Variants in NDRG4 observed in about 807,000 individuals in gnomAD.
The protein encoded by NDRG4 is protein NDRG4.
In NDRG4, 38 loss-of-function variants were observed where a neutral mutation model predicts 55.8. That is an observed-to-expected ratio of 0.68 (90% CI 0.53 to 0.89). The LOEUF (loss-of-function observed/expected upper bound fraction) is 0.89. Among genes scored for constraint, NDRG4 ranks in the 40% least tolerant of loss-of-function variants. NDRG4 has a pLI of 0.00. For missense variants in NDRG4, 455 were observed against 468.6 expected, an observed-to-expected ratio of 0.97 and a Z score of 0.27; for synonymous variants, 190 against 182.7, an observed-to-expected ratio of 1.04 and a Z score of -0.32.
downstream of NDRG4, among the ~76,000 whole-genome samples, chr16:58,514,218 A>G (rs983674073): frequency 1.3e-5 from 2 of 152,216 alleles, no homozygotes; most frequent in African/African-American, 4.8e-5. Flanking sequence ...TGTATAACCT[A>G]AACTAAAATA....
chr16:58,484,085 G>C (rs2034788221), intron 1 of NDRG4, among the ~76,000 whole-genome samples: 1 of 151,636 alleles, frequency 6.6e-6, no homozygotes, highest in Non-Finnish European at 1.5e-5. Flanking sequence ...TTTTGACCAA[G>C]ACCCTGTCTC....
intron 1 of NDRG4, among the ~76,000 whole-genome samples, chr16:58,482,876 G>A (rs894313022): frequency 5.3e-5 from 8 of 151,518 alleles, no homozygotes; most frequent in African/African-American, 1.5e-4. Context: ...TCCACCTCCC[G>A]GGCTCAAGTA....
At chr16:58,465,017 C>G in intron 1 of NDRG4, 1 of 1,242,016 alleles carries the variant, frequency 8.1e-7, no homozygotes, top group Non-Finnish European at 1.0e-6. Flanking sequence ...CTGCTGGAAA[C>G]TCACATCCAG....
rs148777079 is a variant in NDRG4, at chr16:58,507,809, C to T, written c.622C>T (p.Arg208Cys). The T allele has an allele frequency of 3.0e-5, 48 of 1,613,512 alleles. No homozygotes were observed. The African/African-American group carries it at 4.0e-4, about 13-fold the overall frequency. ...TCTGCCCCTCCCCCTGCCCCACAGCCGCAGAGACCTGGACATTAACCGGCC... is the reference window on the plus strand; with the variant it reads ...TCTGCCCCTCCCCCTGCCCCACAGCTGCAGAGACCTGGACATTAACCGGCC... ...LQLFWNMYNS[R>C]RDLDINRPGT... is the part of the protein sequence containing the mutation. The change falls in exon 9 of 15, where the codon CGC becomes TGC. Residue 208 changes from arginine (R) to cysteine (C), a missense_variant and splice_region_variant. Physicochemically the swap from Arg to Cys is radical, Grantham distance 180. Coordinates refer to ENST00000570248, the MANE Select transcript of NDRG4 (RefSeq NM_001242835.2).
At chr16:58,496,894 A>G (rs1232660472), upstream of NDRG4, 3 of 152,208 alleles carry the variant, frequency 2.0e-5, no homozygotes, top group Non-Finnish European at 4.4e-5. Flanking sequence ...AGAGGGTATT[A>G]AGAGAGAAAA....
chr16:58,480,410 C>T (rs1292529783), intron 1 of NDRG4, among the ~76,000 whole-genome samples: 2 of 152,212 alleles, frequency 1.3e-5, no homozygotes, highest in African/African-American at 4.8e-5. Flanking sequence ...CGTGAGCCAC[C>T]GCACCCGGCC....
rs553096400 is a variant in NDRG4, at chr16:58,491,103, C to T, written c.72+3253C>T. Among the ~76,000 whole-genome samples the T allele has an allele frequency of 8.9e-4, 135 of 152,052 alleles. No individual in the cohort carries two copies. The South Asian group carries it at 0.015, about 16-fold the overall frequency. On this transcript the variant is annotated intron_variant, in intron 2 of 15. Coordinates refer to the NDRG4 transcript ENST00000258187. ...ACCAGCCTGACCAACATGGTGAAACCCTGTCTCTACTAAAAATACAAAATT... is the reference window on the plus strand; with the variant it reads ...ACCAGCCTGACCAACATGGTGAAACTCTGTCTCTACTAAAAATACAAAATT...
chr16:58,507,016 G>A lies in NDRG4; in HGVS notation c.620+1G>A, dbSNP rs771079485. ...AGCTCTTCTGGAACATGTACAACAG[G>A]TGCGGGTGGGATCAGCAGCCCTGGG... On this transcript the variant is annotated splice_donor_variant, in intron 8 of 14. Transcript: ENST00000570248. LOFTEE classifies it high-confidence loss of function. 6.2e-7 allele frequency: 1 copy of A among 1,611,906 alleles called. No individual in the cohort carries two copies. Among genetic ancestry groups the A allele is most frequent in the Non-Finnish European group, 8.5e-7 (1 of 1,178,886 alleles).
At chr16:58,467,966 C>T (rs143961113) in intron 1 of NDRG4, among the ~76,000 whole-genome samples, 2 of 152,302 alleles carry the variant, frequency 1.3e-5, no homozygotes, top group African/African-American at 2.4e-5. Context: ...CCAGTTCCTT[C>T]GTTGGGTTCT....
At chr16:58,465,061 A>T (rs1278216462) in intron 1 of NDRG4, 15 of 1,278,900 alleles carry the variant, frequency 1.2e-5, no homozygotes, top group African/African-American at 1.5e-5. Flanking sequence ...GCGAACGGTC[A>T]GGAAGAGGAG....
At chr16:58,494,390 A>G (rs1179535759) in intron 2 of NDRG4, among the ~76,000 whole-genome samples, 1 of 148,200 alleles carries the variant, frequency 6.7e-6, no homozygotes, top group Non-Finnish European at 1.5e-5. Flanking sequence ...AGTCACGCCC[A>G]CCTCCCCCCT....
intron 14 of NDRG4, chr16:58,510,924 T>C: frequency 1.7e-6 from 1 of 585,522 alleles, no homozygotes; most frequent in Admixed American, 2.9e-5. Context: ...TCCAGAGCTC[T>C]GGGGATAGGA....
Position 58,489,589 on chromosome 16 carries a change from C to T in NDRG4, c.72+1739C>T, listed in dbSNP as rs146154465. 1.1e-3 allele frequency among the ~76,000 whole-genome samples: 171 copies of T among 152,120 alleles called. 2 individuals carry two copies. Among genetic ancestry groups the T allele is most frequent in the East Asian group, 9.7e-3 (50 of 5,150 alleles). On this transcript the variant is annotated intron_variant, in intron 2 of 15. Transcript: ENST00000258187. ...AACCCCAACATGCTCTGGCCCTGGC[C>T]GTGTCACTTAGCCTGGTTTGTGTCT...
intron 3 of NDRG4, chr16:58,495,131 C>G: frequency 1.0e-6 from 1 of 957,450 alleles, no homozygotes; most frequent in Non-Finnish European, 1.6e-6. Flanking sequence ...CAGAGAGATG[C>G]TGGGGTGGGA....
intron 5 of NDRG4, 40 bp downstream of exon 5, chr16:58,504,689 C>T: frequency 6.2e-7 from 1 of 1,611,852 alleles, no homozygotes; most frequent in African/African-American, 1.3e-5. Context: ...AACACCAGGG[C>T]AAGCCAGGGA....
upstream of NDRG4, among the ~76,000 whole-genome samples, chr16:58,496,114 CCA>C (rs1351940304): frequency 3.9e-5 from 6 of 152,156 alleles, no homozygotes; most frequent in Non-Finnish European, 8.8e-5. Flanking sequence ...CACACTGGTC[CCA>C]CAGTGTGGGA....
chr16:58,504,513 G>T, intron 4 of NDRG4, 76 bp from the exon 5 acceptor site: 2 of 1,611,434 alleles, frequency 1.2e-6, no homozygotes, highest in Non-Finnish European at 1.7e-6. Flanking sequence ...TCAGGCTATG[G>T]GCAGGGCCTG....
At chr16:58,492,024 C>T (rs1367274445) in intron 2 of NDRG4, among the ~76,000 whole-genome samples, 1 of 152,152 alleles carries the variant, frequency 6.6e-6, no homozygotes, top group African/African-American at 2.4e-5. Flanking sequence ...TCAGGCATTT[C>T]TCCCACCTCA....
intron 8 of NDRG4, 62 bp downstream of exon 8, chr16:58,507,077 C>T (rs1259424114): frequency 7.7e-7 from 1 of 1,304,910 alleles, no homozygotes. Context: ...TTGCACACTG[C>T]CCCCTGAGGG....
Sources: allele counts gnomAD v4.1 joint callset (sites outside exome capture counted in the v4.1 genomes callset), GRCh38; gene constraint gnomAD v4.1.1; transcripts MANE v1.5; gene names NCBI Gene and HGNC (gene_info 2026-07-23, HGNC 2026-07-21).